Variants in ASIC2 observed in about 807,000 individuals in gnomAD.
ASIC2 encodes acid-sensing ion channel 2.
ASIC2 carries 25 observed loss-of-function variants against 57.3 expected under a neutral mutation model. The observed-to-expected ratio is 0.44, with a 90% confidence interval of 0.32 to 0.61. ASIC2 has a LOEUF of 0.61. Among genes scored for constraint, ASIC2 ranks in the 20% least tolerant of loss-of-function variants. ASIC2 has a pLI of 0.06. For synonymous variants in ASIC2, 319 were observed against 307.5 expected (o/e 1.04, Z -0.39); for missense variants, 641 against 738.1 (o/e 0.87, Z 1.52).
At chr17:33,720,091 C>A (rs9901129) in intron 1 of ASIC2, among the ~76,000 whole-genome samples, 2,909 of 152,154 alleles carry the variant, frequency 0.019, 100 homozygotes, top group African/African-American at 0.067. Flanking sequence ...ATTATCTTGC[C>A]AAGGTCTCAA....
chr17:33,923,645 G>T (rs1210666917), intron 1 of ASIC2, among the ~76,000 whole-genome samples: 1 of 152,180 alleles, frequency 6.6e-6, no homozygotes, highest in African/African-American at 2.4e-5. Flanking sequence ...GAGGCTGTGG[G>T]GCCGGGGAGT....
intron 1 of ASIC2, among the ~76,000 whole-genome samples, chr17:34,053,540 G>A (rs1263704811): frequency 1.3e-5 from 2 of 152,196 alleles, no homozygotes; most frequent in Non-Finnish European, 2.9e-5. Context: ...GACCTTTATT[G>A]AGTATATACT....
intron 1 of ASIC2, among the ~76,000 whole-genome samples, chr17:33,967,421 G>T (rs556436632): frequency 1.1e-4 from 17 of 152,192 alleles, no homozygotes; most frequent in African/African-American, 3.9e-4. Context: ...TTTTTTGAAA[G>T]ACGTGGTTTC....
At chr17:33,435,221 G>C (rs184605151) in intron 1 of ASIC2, among the ~76,000 whole-genome samples, 2 of 152,262 alleles carry the variant, frequency 1.3e-5, no homozygotes, top group African/African-American at 2.4e-5. Flanking sequence ...AACATCCCTG[G>C]TACACAGATT....
At chr17:33,810,900 CA>C (rs1912401754) in intron 1 of ASIC2, among the ~76,000 whole-genome samples, 1 of 151,280 alleles carries the variant, frequency 6.6e-6, no homozygotes, top group East Asian at 2.0e-4. Flanking sequence ...CACACACGTG[CA>C]TTCACACACA....
intron 2 of ASIC2, among the ~76,000 whole-genome samples, chr17:33,109,597 GAGTGAGATAATA>G (rs559144452): frequency 4.6e-5 from 7 of 152,174 alleles, no homozygotes; most frequent in Non-Finnish European, 8.8e-5. Context: ...CTGGCACCCC[GAGTGAGATAATA>G]AGATCCTGAA....
At chr17:33,154,872 T>C (rs981212009) in intron 1 of ASIC2, among the ~76,000 whole-genome samples, 1 of 152,258 alleles carries the variant, frequency 6.6e-6, no homozygotes, top group Non-Finnish European at 1.5e-5. Flanking sequence ...TTTAATTTCC[T>C]AACAGGTGGT....
chr17:33,032,989 G>T (rs1343572640), intron 3 of ASIC2, among the ~76,000 whole-genome samples: 1 of 152,076 alleles, frequency 6.6e-6, no homozygotes, highest in Non-Finnish European at 1.5e-5. Flanking sequence ...ACAATGTTGG[G>T]CTGAGCATGG....
At chr17:33,172,003 C>G (rs1187607620) in intron 1 of ASIC2, among the ~76,000 whole-genome samples, 1 of 152,210 alleles carries the variant, frequency 6.6e-6, no homozygotes, top group Non-Finnish European at 1.5e-5. Flanking sequence ...CCTTTTCACA[C>G]TGGTCAGAAC....
At chr17:33,342,720 C>T (rs373715691) in intron 1 of ASIC2, among the ~76,000 whole-genome samples, 110 of 152,262 alleles carry the variant, frequency 7.2e-4, no homozygotes, top group African/African-American at 2.5e-3. Flanking sequence ...GCAGCCTCAT[C>T]GGATCACTTT....
intron 1 of ASIC2, among the ~76,000 whole-genome samples, chr17:33,952,366 T>C (rs1015758734): frequency 3.3e-5 from 5 of 152,232 alleles, no homozygotes; most frequent in African/African-American, 1.2e-4. Context: ...ATCTCTTATA[T>C]GCGGTGCTAT....
At chr17:33,980,684 G>A (rs2142003905) in intron 1 of ASIC2, 1 of 152,212 alleles carries the variant, frequency 6.6e-6, no homozygotes, top group East Asian at 1.9e-4. Flanking sequence ...GCTCCCCATG[G>A]GGTTTGCCCT....
At chr17:33,506,755 T>C (rs1317189971) in intron 1 of ASIC2, among the ~76,000 whole-genome samples, 1 of 152,226 alleles carries the variant, frequency 6.6e-6, no homozygotes, top group Non-Finnish European at 1.5e-5. Flanking sequence ...AGTTTTCTCA[T>C]ATGTAAAATG....
At chr17:33,579,693 G>C (rs1005515196) in intron 1 of ASIC2, among the ~76,000 whole-genome samples, 1 of 152,190 alleles carries the variant, frequency 6.6e-6, no homozygotes, top group Non-Finnish European at 1.5e-5. Context: ...TGAAGCTACA[G>C]ACCTTCGCAG....
chr17:33,900,934 G>A (rs1915219009), intron 1 of ASIC2, among the ~76,000 whole-genome samples: 1 of 152,202 alleles, frequency 6.6e-6, no homozygotes, highest in African/African-American at 2.4e-5. Flanking sequence ...AAGTTGGAGA[G>A]ATGGGGAGAC....
chr17:33,828,593 C>T (rs1251468720), intron 1 of ASIC2: 2 of 152,016 alleles, frequency 1.3e-5, no homozygotes, highest in African/African-American at 4.8e-5. Flanking sequence ...CCTGATGGCT[C>T]TTGGAATGGG....
At chr17:33,241,330 A>G (rs1908500478) in intron 1 of ASIC2, among the ~76,000 whole-genome samples, 1 of 152,208 alleles carries the variant, frequency 6.6e-6, no homozygotes, top group Non-Finnish European at 1.5e-5. Flanking sequence ...AGGAGATGCT[A>G]CCTCTATTCC....
chr17:33,218,932 G>A (rs1357526703), intron 1 of ASIC2, among the ~76,000 whole-genome samples: 1 of 152,178 alleles, frequency 6.6e-6, no homozygotes, highest in Non-Finnish European at 1.5e-5. Context: ...CACACCCGTG[G>A]AAGGGAGAGC....
At chr17:33,647,535 G>A (rs1906782261) in intron 1 of ASIC2, among the ~76,000 whole-genome samples, 1 of 152,220 alleles carries the variant, frequency 6.6e-6, no homozygotes, top group East Asian at 1.9e-4. Flanking sequence ...TCTGGGACCT[G>A]ATAATGAGGG....
Sources: gnomAD v4.1 joint callset for allele counts (sites outside exome capture counted in the v4.1 genomes callset) on GRCh38, gnomAD v4.1.1 for gene constraint, MANE v1.5 for transcripts, NCBI Gene and HGNC (gene_info 2026-07-23, HGNC 2026-07-21) for gene names.